HCFC1: variants seen among roughly 807,000 people sequenced by gnomAD.
The protein encoded by HCFC1 is host cell factor 1.
HCFC1 carries 7 observed loss-of-function variants against 105.5 expected under a neutral mutation model. The observed-to-expected ratio is 0.07, with a 90% CI of 0.04 to 0.12. HCFC1 has a LOEUF of 0.12. Among genes scored for constraint, HCFC1 ranks in the 10% least tolerant of loss-of-function variants. The pLI, the probability that HCFC1 is intolerant of heterozygous loss-of-function variation, is 1.00. For missense variants in HCFC1, 1,065 were observed against 1,823.6 expected (o/e 0.58, Z 7.58); for synonymous variants, 918 against 828.1 (o/e 1.11, Z -1.86).
In HCFC1 at chrX:153,954,366, G is replaced by A. The variant is rs781907216; in HGVS notation, c.4033C>T (p.Pro1345Ser). ...TATSNGGTGQ[P>S]EGGQQPPAGR... ...GCAGGGGGCTGCTGCCCACCCTCGG[G>A]CTGGCCCGTGCCCCCGTTTGAAGTA... is the stretch of plus-strand genomic sequence containing the variant. The change falls in exon 17 of 26, where the codon CCC (proline) becomes TCC (serine). Residue 1345 changes from proline (P) to serine (S), a missense_variant. By Grantham distance (74) the Pro-to-Ser change is moderately conservative. Around this residue, in one of 17 missense-constraint regions of HCFC1, gnomAD observed 546 missense variants for 599.9 expected, o/e 0.91. Coordinates refer to ENST00000310441, the MANE Select transcript of HCFC1 (RefSeq NM_005334.3). 8.3e-7 allele frequency: 1 copy of A among 1,204,837 alleles called. No individual in the cohort carries two copies. Among genetic ancestry groups the A allele is most frequent in the South Asian group, 1.8e-5 (1 of 56,364 alleles).
chrX:153,955,556 CGAG>C lies in HCFC1; in HGVS notation c.2857-17_2857-15del, dbSNP rs886044899. The C allele has an allele frequency of 3.4e-6, 4 of 1,162,614 alleles. No individual in the cohort carries two copies. Among genetic ancestry groups the C allele is most frequent in the African/African-American group, 1.8e-5 (1 of 56,592 alleles). On this transcript the variant is annotated splice_polypyrimidine_tract_variant and intron_variant, in intron 16 of 25. Coordinates refer to ENST00000310441, the MANE Select transcript of HCFC1 (RefSeq NM_005334.3). ...CTGGGACACGGGCTGGGGAGACACACGAGGAGGAGAGTTAGTGCTGCAGCTGGC... is the reference window on the plus strand; with the variant it reads ...CTGGGACACGGGCTGGGGAGACACACGAGGAGAGTTAGTGCTGCAGCTGGC...
intron 8 of HCFC1, 22 bp downstream of exon 8, chrX:153,959,780 C>A: frequency 8.7e-7 from 1 of 1,149,017 alleles, no homozygotes; most frequent in Non-Finnish European, 1.2e-6. Context: ...TACTTTCAAA[C>A]GTCCCTGGTC....
chrX:153,961,383 A>G (rs782539483), intron 6 of HCFC1, among the ~76,000 whole-genome samples, 159 bp downstream of exon 6: 1 of 112,040 alleles, frequency 8.9e-6, no homozygotes, highest in South Asian at 3.7e-4. Flanking sequence ...GAGGCGGAAC[A>G]TTGCTTCAGA....
Position 153,949,233 on chromosome X carries a change from C to T in HCFC1, c.*114G>A, listed in dbSNP as rs2065285853. ...AGAGAAAGGGGAGAGGAGTGAACAG[C>T]GGCTCGCGAGGGTGAAGTGCGAATG... On this transcript the variant is annotated 3_prime_UTR_variant, in exon 26 of 26. Coordinates refer to ENST00000310441, the MANE Select transcript of HCFC1 (RefSeq NM_005334.3). 15 of 488,089 alleles carry T rather than the reference C, an allele frequency of 3.1e-5. No individual in the cohort carries two copies. The highest frequency in any genetic ancestry group is 4.1e-5 in the Non-Finnish European group (12 of 289,467). The allele number at this position is 488,089 out of a possible 1,213,427, so 40.2% of individuals were successfully genotyped here.
rs1477007534 is a variant in HCFC1 at position 153,959,465 on chromosome X, C to T, written c.1471G>A (p.Gly491Ser). 6 of 1,210,154 alleles carry T rather than the reference C, an allele frequency of 5.0e-6. No individual in the cohort carries two copies. The highest frequency in any genetic ancestry group is 3.0e-5 in the East Asian group (1 of 33,767). ...QGVPAVLKVT[G>S]PQATTGTPLV... ...GGAGTTCCTGTTGTAGCCTGAGGAC[C>T]GGTCACTTTGAGAACAGCAGGGACA... Residue 491 changes from glycine (G) to serine (S), a missense_variant, in exon 9 of 26, where the codon GGT becomes AGT. Transcript: ENST00000310441.
chrX:153,951,288 C>T (rs1333654207), intron 22 of HCFC1, 62 bp downstream of exon 22: 3 of 1,164,872 alleles, frequency 2.6e-6, no homozygotes, highest in Middle Eastern at 2.7e-4. Context: ...CTGTAAGCCC[C>T]GCTCAGGGTG....
chrX:153,951,611 T>C lies in HCFC1; in HGVS notation c.5357A>G (p.Asn1786Ser). 6.6e-6 allele frequency: 8 copies of C among 1,210,827 alleles called. No individual in the cohort carries two copies. Among genetic ancestry groups the C allele is most frequent in the Non-Finnish European group, 8.9e-6 (8 of 895,040 alleles). Residue 1786 changes from asparagine to serine, a missense_variant, in exon 21 of 26, where the codon AAT (asparagine) becomes AGT (serine). Physicochemically the swap from Asn to Ser is conservative, Grantham distance 46. Coordinates refer to ENST00000310441, the MANE Select transcript of HCFC1 (RefSeq NM_005334.3). Reference sequence around the variant, plus strand: ...CACCACACCCAGGGACTCGATGCCATTGGCCACTTCGGTCAGGGTAGCTGC... The same window carrying C: ...CACCACACCCAGGGACTCGATGCCACTGGCCACTTCGGTCAGGGTAGCTGC... ...QAAATLTEVA[N>S]GIESLGVKPD...
Position 153,953,645 on chromosome X carries a change from C to T in HCFC1, c.4459G>A (p.Val1487Met), listed in dbSNP as rs2065337879. ...CCCGGGACCGGTGTGGACTGCGTCA[C>T]GGTGGTCACAGCCCGCGTCAGTGTG... Reference protein sequence around the residue: ...SSTLTRAVTTVTQSTPVPGPS... With the variant: ...SSTLTRAVTTMTQSTPVPGPS... Residue 1487 changes from valine to methionine, a missense_variant, in exon 18 of 26, where the codon GTG becomes ATG. Val to Met is a conservative substitution (Grantham distance 21). Coordinates refer to ENST00000310441, the MANE Select transcript of HCFC1 (RefSeq NM_005334.3). 3 of 1,210,823 alleles carry T rather than the reference C, an allele frequency of 2.5e-6. No individual in the cohort carries two copies. The highest frequency in any genetic ancestry group is 1.7e-5 in the African/African-American group (1 of 57,952).
In HCFC1 at chrX:153,950,336, T is replaced by C. The variant is rs2065298508; in HGVS notation, c.5911A>G (p.Ile1971Val). Residue 1971 changes from isoleucine (I) to valine (V), a missense_variant, in exon 24 of 26, where the codon ATC becomes GTC. Ile to Val is a conservative substitution (Grantham distance 29). Coordinates refer to ENST00000310441, the MANE Select transcript of HCFC1 (RefSeq NM_005334.3). ...VQSSSLSNAH[I>V]DYTTKPAIIF... ...ATGGCGGGCTTGGTGGTGTAGTCGATGTGGGCGTTGGAAAGGCTGGAGGAC... is the reference window on the plus strand; with the variant it reads ...ATGGCGGGCTTGGTGGTGTAGTCGACGTGGGCGTTGGAAAGGCTGGAGGAC... The C allele has an allele frequency of 2.5e-6, 3 of 1,209,904 alleles. No individual in the cohort carries two copies. Among genetic ancestry groups the C allele is most frequent in the Non-Finnish European group, 3.4e-6 (3 of 894,839 alleles).
Position 153,951,597 on chromosome X carries a change from G to A in HCFC1, c.5371C>T (p.Leu1791=), listed in dbSNP as rs1280753253. 3 of 1,208,888 alleles carry A rather than the reference G, an allele frequency of 2.5e-6. No individual in the cohort carries two copies. Among genetic ancestry groups the A allele is most frequent in the Non-Finnish European group, 3.4e-6 (3 of 894,325 alleles). ...CAACACACCCGACTCACCACACCCA[G>A]GGACTCGATGCCATTGGCCACTTCG... The part of the protein sequence containing the change: ...LTEVANGIES[L]GVKPDLPPPP... Residue 1791 remains leucine, a synonymous_variant, in exon 21 of 26, where the codon CTG becomes TTG. Transcript: ENST00000310441.
At chrX:153,963,780 C>T (rs2065450909) in intron 3 of HCFC1, among the ~76,000 whole-genome samples, 4 of 112,705 alleles carry the variant, frequency 3.5e-5, no homozygotes, top group African/African-American at 9.7e-5. Flanking sequence ...TCCTTGGCCA[C>T]GGGCCTTGGA....
intron 1 of HCFC1, among the ~76,000 whole-genome samples, chrX:153,968,369 G>A (rs782026238): frequency 7.1e-5 from 8 of 112,397 alleles, no homozygotes; most frequent in Non-Finnish European, 1.3e-4. Flanking sequence ...ACTGCAAGGG[G>A]CACAGGCGTG....
At chrX:153,957,260 A>G (rs1484012965) in intron 13 of HCFC1, 54 bp downstream of exon 13, 1 of 1,072,202 alleles carries the variant, frequency 9.3e-7, no homozygotes, top group East Asian at 3.0e-5. Context: ...CCCGGACTCC[A>G]TTTCCCCTCC....
chrX:153,970,553 G>C (rs1341473045), intron 1 of HCFC1, 95 bp downstream of exon 1: 1 of 573,199 alleles, frequency 1.7e-6, no homozygotes, highest in East Asian at 4.0e-5. Context: ...AGGGAGGAGA[G>C]GGAGGGAGCA....
intron 4 of HCFC1, 145 bp from the exon 5 acceptor site, chrX:153,962,451 T>C (rs1389973212): frequency 2.8e-5 from 13 of 460,695 alleles, no homozygotes; most frequent in Non-Finnish European, 4.9e-5. Context: ...GCAGGCCCTC[T>C]GACTGTTGTC....
In HCFC1 at chrX:153,950,800, C is replaced by G. The variant is rs782371270; in HGVS notation, c.5703+13G>C. The G allele has an allele frequency of 1.1e-5, 13 of 1,205,400 alleles. No individual in the cohort carries two copies. Among genetic ancestry groups the G allele is most frequent in the Non-Finnish European group, 1.1e-6 (1 of 892,709 alleles). On this transcript the variant is annotated intron_variant, in intron 23 of 25. Coordinates refer to ENST00000310441, the MANE Select transcript of HCFC1 (RefSeq NM_005334.3). ...CAACCAGGGACAGACGGCCACCCCACAGCAAGACTCACTTTGCTGATTTTA... is the reference window on the plus strand; with the variant it reads ...CAACCAGGGACAGACGGCCACCCCAGAGCAAGACTCACTTTGCTGATTTTA...
rs939153750 is a variant in HCFC1 at position 153,947,600 on chromosome X, C to A, written c.*1747G>T. On this transcript the variant is annotated 3_prime_UTR_variant, in exon 26 of 26. Coordinates refer to ENST00000310441, the MANE Select transcript of HCFC1 (RefSeq NM_005334.3). ...TTTAATTGTTCAAAATAGCACAAAA[C>A]GACATCGCACTATGGTAATATTGAG... 1.8e-5 allele frequency: 2 copies of A among 112,149 alleles called. No individual in the cohort carries two copies. The highest frequency in any genetic ancestry group is 3.8e-5 in the Non-Finnish European group (2 of 53,122). The allele number at this position is 112,149 out of a possible 1,213,427, so 9.2% of individuals were successfully genotyped here.
chrX:153,950,981 G>T lies in HCFC1; in HGVS notation c.5535C>A (p.Val1845=), dbSNP rs1557112285. The change falls in exon 23 of 26, where the codon GTC becomes GTA. Residue 1845 remains valine, a synonymous_variant. Transcript: ENST00000310441. ...AVPSDDDLGT[V]PDYNQLKKQE... ...GCTTCTTCAGCTGGTTATAGTCAGG[G>T]ACGGTGCCCAAATCATCCTAGGAAA... The T allele has an allele frequency of 2.5e-6, 3 of 1,210,474 alleles. No individual in the cohort carries two copies. The highest frequency in any genetic ancestry group is 1.8e-5 in the South Asian group (1 of 57,013).
chrX:153,957,291 C>A, intron 13 of HCFC1, 23 bp downstream of exon 13: 2 of 1,153,330 alleles, frequency 1.7e-6, no homozygotes, highest in East Asian at 3.0e-5. Flanking sequence ...TGCAGACACT[C>A]ATATGTCGGG....
Sources: gnomAD v4.1 joint callset for allele counts (sites outside exome capture counted in the v4.1 genomes callset) on GRCh38, gnomAD v4.1.1 for gene constraint, gnomAD v4.1.1 regional missense constraint, MANE v1.5 for transcripts, NCBI Gene and HGNC (gene_info 2026-07-23, HGNC 2026-07-21) for gene names.